LRRC4C: variants seen among roughly 807,000 people sequenced by gnomAD.
LRRC4C encodes leucine-rich repeat-containing protein 4C.
A neutral mutation model predicts 33.6 loss-of-function variants in LRRC4C; 5 were observed. The ratio of observed to expected loss-of-function variants is 0.15; its 90% CI spans 0.08 to 0.31. The LOEUF is 0.31. LRRC4C is among the 10% of genes least tolerant of loss of function. The pLI, the probability that LRRC4C is intolerant of heterozygous loss-of-function variation, is 1.00. For synonymous variants in LRRC4C, 329 were observed against 302.0 expected (o/e 1.09, Z -0.93); for missense variants, 560 against 796.7 (o/e 0.70, Z 3.58).
At chr11:41,207,422 T>G (rs1946645414) in intron 1 of LRRC4C, among the ~76,000 whole-genome samples, 1 of 152,180 alleles carries the variant, frequency 6.6e-6, no homozygotes, top group South Asian at 2.1e-4. Context: ...ACCCAGAAAT[T>G]CATTTATTGA....
chr11:40,166,842 A>G (rs1029312383), intron 5 of LRRC4C, among the ~76,000 whole-genome samples: 2 of 152,176 alleles, frequency 1.3e-5, no homozygotes, highest in Non-Finnish European at 2.9e-5. Context: ...GTTTTGTGAT[A>G]TAAACATCCA....
At chr11:40,415,564 G>A (rs1276358169) in intron 3 of LRRC4C, among the ~76,000 whole-genome samples, 1 of 152,108 alleles carries the variant, frequency 6.6e-6, no homozygotes, top group Non-Finnish European at 1.5e-5. Context: ...GTACTGATGG[G>A]CCTTAGAGGC....
intron 1 of LRRC4C, among the ~76,000 whole-genome samples, chr11:41,221,605 G>T (rs769563364): frequency 1.3e-5 from 2 of 152,030 alleles, no homozygotes; most frequent in Non-Finnish European, 2.9e-5. Context: ...GCAGGAATAA[G>T]TTCATTGTAT....
chr11:40,223,388 C>T (rs1314326877), intron 5 of LRRC4C, among the ~76,000 whole-genome samples: 4 of 152,078 alleles, frequency 2.6e-5, no homozygotes, highest in African/African-American at 4.8e-5. Context: ...CTACAGCAAA[C>T]GACAAAAAGA....
chr11:41,220,800 T>C (rs1401006572), intron 1 of LRRC4C, among the ~76,000 whole-genome samples: 1 of 152,200 alleles, frequency 6.6e-6, no homozygotes, highest in Non-Finnish European at 1.5e-5. Flanking sequence ...TATATTGGTT[T>C]ATTTATTCAA....
chr11:40,808,733 T>C (rs1188201503), intron 2 of LRRC4C, among the ~76,000 whole-genome samples: 1 of 152,150 alleles, frequency 6.6e-6, no homozygotes, highest in East Asian at 1.9e-4. Flanking sequence ...TGTTTCATAC[T>C]TTCTCTCTTC....
intron 5 of LRRC4C, among the ~76,000 whole-genome samples, chr11:40,175,771 C>T (rs1860427860): frequency 6.6e-6 from 1 of 152,168 alleles, no homozygotes; most frequent in African/African-American, 2.4e-5. Context: ...CATTTCAGCC[C>T]TTGATTATAT....
intron 4 of LRRC4C, among the ~76,000 whole-genome samples, chr11:40,310,922 C>T (rs2136750655): frequency 6.6e-6 from 1 of 152,208 alleles, no homozygotes; most frequent in South Asian, 2.1e-4. Flanking sequence ...TTTTGAAAAC[C>T]ATATGCATTA....
intron 6 of LRRC4C, among the ~76,000 whole-genome samples, chr11:40,118,129 T>C (rs927512779): frequency 1.3e-5 from 2 of 148,222 alleles, no homozygotes; most frequent in African/African-American, 2.4e-5. Flanking sequence ...AATATGAAAA[T>C]ATTTTAATAT....
chr11:40,129,860 T>A (rs2134786951), intron 6 of LRRC4C, among the ~76,000 whole-genome samples: 1 of 152,284 alleles, frequency 6.6e-6, no homozygotes, highest in Non-Finnish European at 1.5e-5. Flanking sequence ...AAGTCAAATC[T>A]ACTTCATGCT....
At chr11:40,606,187 A>G (rs1252034196) in intron 3 of LRRC4C, among the ~76,000 whole-genome samples, 2 of 152,202 alleles carry the variant, frequency 1.3e-5, no homozygotes, top group African/African-American at 4.8e-5. Context: ...GAAGCTTGGC[A>G]AATTCTAGAA....
chr11:40,602,750 A>C (rs1018409353), intron 3 of LRRC4C, among the ~76,000 whole-genome samples: 1 of 152,202 alleles, frequency 6.6e-6, no homozygotes, highest in African/African-American at 2.4e-5. Flanking sequence ...GGAGGTCTTT[A>C]AATAAAATAA....
At chr11:40,763,891 G>T (rs1281326711) in intron 2 of LRRC4C, among the ~76,000 whole-genome samples, 1 of 152,146 alleles carries the variant, frequency 6.6e-6, no homozygotes, top group Non-Finnish European at 1.5e-5. Flanking sequence ...ATGCCACAGG[G>T]CTGCAATTCC....
intron 1 of LRRC4C, among the ~76,000 whole-genome samples, chr11:40,949,314 G>A (rs1450310604): frequency 3.9e-5 from 6 of 151,930 alleles, no homozygotes; most frequent in African/African-American, 7.3e-5. Flanking sequence ...CCCATTTTGT[G>A]GGTTGCCTGT....
At chr11:41,334,708 G>A (rs1373767519) in intron 1 of LRRC4C, among the ~76,000 whole-genome samples, 3 of 152,096 alleles carry the variant, frequency 2.0e-5, no homozygotes, top group Admixed American at 6.5e-5. Context: ...AACAATAGTC[G>A]GGTGTGATGG....
chr11:40,346,762 G>C (rs1446250158), intron 3 of LRRC4C, among the ~76,000 whole-genome samples: 1 of 152,160 alleles, frequency 6.6e-6, no homozygotes, highest in Non-Finnish European at 1.5e-5. Context: ...CAGAGCTCTT[G>C]AGTGACCGAG....
Position 40,375,065 on chromosome 11 carries a change from A to C in LRRC4C, c.-269-55344T>G, listed in dbSNP as rs564854200. On this transcript the variant is annotated intron_variant, in intron 3 of 6. Coordinates refer to ENST00000528697, the MANE Select transcript of LRRC4C (RefSeq NM_001258419.2). Reference sequence around the variant, plus strand: ...CCTAAGATATCATCCAGTGGAACAAAATTTTCTCATGATAAAATCAAGTAA... The same window carrying C: ...CCTAAGATATCATCCAGTGGAACAACATTTTCTCATGATAAAATCAAGTAA... Among the ~76,000 whole-genome samples, 11 of 152,294 alleles carry C rather than the reference A, an allele frequency of 7.2e-5. No individual in the cohort carries two copies. The South Asian group carries it at 2.3e-3, about 32-fold the overall frequency.
At chr11:40,918,538 C>A (rs1469728090) in intron 2 of LRRC4C, among the ~76,000 whole-genome samples, 2 of 151,970 alleles carry the variant, frequency 1.3e-5, no homozygotes, top group African/African-American at 2.4e-5. Flanking sequence ...CCTTTTTTAG[C>A]AACCTTCTTT....
chr11:40,980,095 G>C (rs1565266021), intron 1 of LRRC4C, among the ~76,000 whole-genome samples: 1 of 152,144 alleles, frequency 6.6e-6, no homozygotes, highest in African/African-American at 2.4e-5. Context: ...AGCTCACAAA[G>C]CCATTCATTC....
Sources: allele counts gnomAD v4.1 joint callset (sites outside exome capture counted in the v4.1 genomes callset), GRCh38; gene constraint gnomAD v4.1.1; transcripts MANE v1.5; gene names NCBI Gene and HGNC (gene_info 2026-07-23, HGNC 2026-07-21).